Variants in FARSB observed in about 807,000 individuals in gnomAD.
FARSB encodes the protein phenylalanyl-tRNA synthetase subunit beta.
In FARSB, 40 loss-of-function variants were observed where a neutral mutation model predicts 69.6. The observed-to-expected ratio is 0.57, with a 90% CI of 0.45 to 0.75. The LOEUF is 0.75. Ranked by LOEUF, FARSB falls within the 30% of genes least tolerant of loss-of-function variation. FARSB has a pLI of 0.00. For missense variants in FARSB, 632 were observed against 722.9 expected (o/e 0.87, Z 1.44); for synonymous variants, 235 against 247.2 (o/e 0.95, Z 0.46).
At chr2:222,652,540 C>T (rs868392) in intron 1 of FARSB, among the ~76,000 whole-genome samples, 40,316 of 152,158 alleles carry the variant, frequency 0.26, 5,711 homozygotes, top group Middle Eastern at 0.43. Context: ...ACCTCTCCAT[C>T]TGGGGCAAAC....
chr2:222,641,083 A>T (rs1691708385), intron 3 of FARSB, 152 bp from the exon 4 acceptor site: 1 of 436,394 alleles, frequency 2.3e-6, no homozygotes, highest in Non-Finnish European at 4.1e-6. Context: ...ACTAAAAAAA[A>T]AAAACAAAAA....
chr2:222,650,682 T>C (rs1277507950), intron 1 of FARSB, among the ~76,000 whole-genome samples: 1 of 152,108 alleles, frequency 6.6e-6, no homozygotes, highest in Non-Finnish European at 1.5e-5. Context: ...CTCCTTGTAT[T>C]CATGCTCCTG....
chr2:222,605,307 T>C (rs1690676948), intron 15 of FARSB, among the ~76,000 whole-genome samples: 3 of 152,176 alleles, frequency 2.0e-5, no homozygotes, highest in African/African-American at 4.8e-5. Flanking sequence ...TGCCATGTGG[T>C]ACCCATTTGT....
In FARSB at chr2:222,624,265, A is replaced by G. The variant is rs776823210; in HGVS notation, c.1170+7T>C. ...TAAGGAGTGTTTATTTAAGGGTGCA[A>G]TCTTACTTGATTAGCTATGGTGTAA... On this transcript the variant is annotated splice_region_variant and intron_variant, in intron 12 of 16. Transcript: ENST00000281828. 10 of 1,569,650 alleles carry G rather than the reference A, an allele frequency of 6.4e-6. No individual in the cohort carries two copies. The highest frequency in any genetic ancestry group is 4.5e-5 in the East Asian group (2 of 44,680).
chr2:222,643,943 T>C (rs1387410406), intron 2 of FARSB, among the ~76,000 whole-genome samples: 1 of 152,240 alleles, frequency 6.6e-6, no homozygotes, highest in African/African-American at 2.4e-5. Context: ...ACTGTAAATA[T>C]ATTTAAGAAA....
chr2:222,654,559 G>A (rs1469725575), intron 1 of FARSB, among the ~76,000 whole-genome samples: 1 of 152,120 alleles, frequency 6.6e-6, no homozygotes, highest in Non-Finnish European at 1.5e-5. Context: ...TGGTTTAGAA[G>A]GGCAGGTAAG....
chr2:222,574,872 G>A (rs931817049), intron 16 of FARSB, among the ~76,000 whole-genome samples: 1 of 152,078 alleles, frequency 6.6e-6, no homozygotes, highest in African/African-American at 2.4e-5. Context: ...GTTGTCTATT[G>A]GTACAACAGA....
intron 16 of FARSB, among the ~76,000 whole-genome samples, chr2:222,591,266 A>C (rs560490041): frequency 6.6e-6 from 1 of 152,176 alleles, no homozygotes; most frequent in African/African-American, 2.4e-5. Flanking sequence ...TGAACCATCA[A>C]TGTTCTGGCA....
In FARSB at chr2:222,600,082, A is replaced by G; in HGVS notation, c.1464T>C (p.Asp488=). 4.4e-6 allele frequency: 7 copies of G among 1,603,476 alleles called. No homozygotes were observed. The highest frequency in any genetic ancestry group is 3.4e-6 in the Non-Finnish European group (4 of 1,177,378). The part of the protein sequence containing the change: ...SDIVIKDSNT[D]VGAKNYRHLC... ...GATGTCTGTAGTTTTTTGCACCTAC[A>G]TCTAGAAAAATAAAGGAACTGGTCA... Residue 488 remains aspartate (D), a splice_region_variant and synonymous_variant, in exon 16 of 17, where the codon GAT becomes GAC. Coordinates refer to ENST00000281828, the MANE Select transcript of FARSB (RefSeq NM_005687.5).
At chr2:222,632,957 G>A (rs1191399732) in intron 7 of FARSB, among the ~76,000 whole-genome samples, 2 of 151,532 alleles carry the variant, frequency 1.3e-5, no homozygotes, top group African/African-American at 2.4e-5. Flanking sequence ...AAACATAATA[G>A]AACCCAAAAC....
At chr2:222,579,093 C>T (rs1455233244) in intron 16 of FARSB, among the ~76,000 whole-genome samples, 2 of 152,088 alleles carry the variant, frequency 1.3e-5, no homozygotes, top group Non-Finnish European at 2.9e-5. Flanking sequence ...GTGGGACAGA[C>T]AAGTTACAGA....
At chr2:222,621,235 CAA>C (rs1269316745) in intron 13 of FARSB, among the ~76,000 whole-genome samples, 1 of 152,202 alleles carries the variant, frequency 6.6e-6, no homozygotes, top group East Asian at 1.9e-4. Context: ...GGGATAGTGA[CAA>C]GAGGCAATTT....
chr2:222,584,228 G>C (rs900577570), intron 16 of FARSB, among the ~76,000 whole-genome samples: 2 of 151,982 alleles, frequency 1.3e-5, no homozygotes, highest in African/African-American at 2.4e-5. Flanking sequence ...AAAAAATTTT[G>C]CATACCACTT....
intron 13 of FARSB, among the ~76,000 whole-genome samples, chr2:222,620,181 A>C (rs1325376178): frequency 6.6e-6 from 1 of 152,086 alleles, no homozygotes; most frequent in Non-Finnish European, 1.5e-5. Context: ...TCCCAGCCTC[A>C]CCTGCTACCA....
At chr2:222,619,013 G>A (rs977440891) in intron 14 of FARSB, among the ~76,000 whole-genome samples, 1 of 151,674 alleles carries the variant, frequency 6.6e-6, no homozygotes, top group African/African-American at 2.4e-5. Context: ...GTAGTGGCGG[G>A]CGCCTGTAGT....
chr2:222,604,190 C>T (rs968940454), intron 15 of FARSB, among the ~76,000 whole-genome samples: 12 of 149,970 alleles, frequency 8.0e-5, no homozygotes, highest in Non-Finnish European at 1.8e-4. Context: ...TGCACTCCAG[C>T]CTGAGCAACA....
chr2:222,579,414 A>G (rs1689914792), intron 16 of FARSB, among the ~76,000 whole-genome samples: 1 of 152,258 alleles, frequency 6.6e-6, no homozygotes, highest in Non-Finnish European at 1.5e-5. Flanking sequence ...AATACAGCAC[A>G]ATACTGACAA....
intron 2 of FARSB, among the ~76,000 whole-genome samples, chr2:222,645,939 T>A (rs1691841967): frequency 2.0e-5 from 3 of 152,188 alleles, no homozygotes; most frequent in Non-Finnish European, 4.4e-5. Flanking sequence ...GTAGAAATTT[T>A]AAGAGGTTTT....
At chr2:222,646,572 C>T (rs1040471556) in intron 2 of FARSB, among the ~76,000 whole-genome samples, 8 of 152,190 alleles carry the variant, frequency 5.3e-5, no homozygotes, top group Admixed American at 2.0e-4. Context: ...ATATCCTTAA[C>T]ATCAGCCAGT....
Sources: gnomAD v4.1 joint callset for allele counts (sites outside exome capture counted in the v4.1 genomes callset) on GRCh38, gnomAD v4.1.1 for gene constraint, MANE v1.5 for transcripts, NCBI Gene and HGNC (gene_info 2026-07-23, HGNC 2026-07-21) for gene names.